Variants in REM2 observed in about 807,000 individuals in gnomAD.
REM2 encodes GTP-binding protein REM 2.
In REM2, 24 loss-of-function variants were observed where a neutral mutation model predicts 24.4. The ratio of observed to expected loss-of-function variants is 0.98; its 90% CI spans 0.71 to 1.38. The LOEUF is 1.38. Ranked by LOEUF, REM2 falls within the 40% of genes most tolerant of loss-of-function variation. The pLI, the probability that REM2 is intolerant of heterozygous loss-of-function variation, is 0.00. For missense variants in REM2, 429 were observed against 467.8 expected, an observed-to-expected ratio of 0.92 and a Z score of 0.77; for synonymous variants, 187 against 198.0, an observed-to-expected ratio of 0.94 and a Z score of 0.47.
In REM2 at chr14:22,883,382, C is replaced by A; in HGVS notation, c.95C>A (p.Pro32His). 6.4e-7 allele frequency: 1 copy of A among 1,553,460 alleles called. No homozygotes were observed. The highest frequency in any genetic ancestry group is 1.2e-5 in the South Asian group (1 of 84,158). ...GSRRASPPGT[P>H]TPEADATLLK... ...CGCCGGGCCTCCCCTCCAGGGACGCCCACACCAGGTGAGGGCTAACCTGGG... is the reference window on the plus strand; with the variant it reads ...CGCCGGGCCTCCCCTCCAGGGACGCACACACCAGGTGAGGGCTAACCTGGG... Residue 32 changes from proline to histidine, a missense_variant, in exon 1 of 5, where the codon CCC (proline) becomes CAC (histidine). Transcript: ENST00000267396.
chr14:22,884,767 G>C lies in REM2; in HGVS notation c.197G>C (p.Arg66Thr). 6.2e-7 allele frequency: 1 copy of C among 1,614,032 alleles called. No individual in the cohort carries two copies. The highest frequency in any genetic ancestry group is 8.5e-7 in the Non-Finnish European group (1 of 1,179,888). ...LPSAPGAPRR[R>T]GSMPVPYKHQ... Reference sequence around the variant, plus strand: ...TCTGCCCCTGGGGCCCCCAGACGAAGAGGCAGTATGCCTGTCCCCTACAAG... The same window carrying C: ...TCTGCCCCTGGGGCCCCCAGACGAACAGGCAGTATGCCTGTCCCCTACAAG... Residue 66 changes from arginine to threonine, a missense_variant, in exon 2 of 5, where the codon AGA becomes ACA. Transcript: ENST00000267396.
At chr14:22,884,202 G>A (rs1566498559) in intron 1 of REM2, 2 of 985,286 alleles carry the variant, frequency 2.0e-6, no homozygotes, top group Non-Finnish European at 2.4e-6. Flanking sequence ...CCCAGACACT[G>A]GGCAGCAGTT....
rs139641409 is a variant in REM2 at position 22,885,805 on chromosome 14, A to C, written c.520-219A>C. Among the ~76,000 whole-genome samples, 327 of 152,360 alleles carry C rather than the reference A, an allele frequency of 2.1e-3. 5 individuals carry two copies. The highest frequency in any genetic ancestry group is 0.016 in the Admixed American group (241 of 15,306). Reference sequence around the variant, plus strand: ...TATTCATTTTTGAATCAAGAGCTTAAGAAATTAGGATGGCTACCCTAGTCT... The same window carrying C: ...TATTCATTTTTGAATCAAGAGCTTACGAAATTAGGATGGCTACCCTAGTCT... On this transcript the variant is annotated intron_variant, in intron 3 of 4. Coordinates refer to ENST00000267396, the MANE Select transcript of REM2 (RefSeq NM_173527.3).
rs958120710 is a variant in REM2, at chr14:22,887,282, T to G, written c.*373T>G. 1.7e-5 allele frequency: 3 copies of G among 179,398 alleles called. No homozygotes were observed. The highest frequency in any genetic ancestry group is 6.2e-5 in the Admixed American group (1 of 16,074). 11.1% of individuals were successfully genotyped at this position (179,398 alleles called of 1,614,324 possible). On this transcript the variant is annotated 3_prime_UTR_variant, in exon 5 of 5. Coordinates refer to ENST00000267396, the MANE Select transcript of REM2 (RefSeq NM_173527.3). ...GTAAAGAGATTCTAAAAGCAAGATC[T>G]GGAAAAGTGCTTCGTAGACTCCTTG...
Position 22,886,518 on chromosome 14 carries a change from A to G in REM2, c.728-96A>G, listed in dbSNP as rs2040129829. On this transcript the variant is annotated intron_variant, in intron 4 of 4. Transcript: ENST00000267396. The surrounding 1 kb of genome is among the most constrained non-coding windows in gnomAD (Gnocchi z 5.9). The stretch of plus-strand genomic sequence containing the variant: ...TCGGTTGCAAGATTCACTAGTACCA[A>G]TCCCTTGCCACCGCACGCCCAGGCC... 1.4e-5 allele frequency: 16 copies of G among 1,145,442 alleles called. No homozygotes were observed. The highest frequency in any genetic ancestry group is 7.8e-5 in the East Asian group (3 of 38,544). 71.0% of individuals were successfully genotyped at this position (1,145,442 alleles called of 1,614,324 possible). A position where few individuals can be genotyped will look rare whatever the true frequency, so the allele number is the denominator to read the frequency against.
At position 22,886,183 on chromosome 14, in the gene REM2, GT is replaced by G; in HGVS notation, c.681del (p.Gly228GlufsTer24). 6.2e-7 allele frequency: 1 copy of G among 1,613,922 alleles called. No homozygotes were observed. Among genetic ancestry groups the G allele is most frequent in the Non-Finnish European group, 8.5e-7 (1 of 1,179,874 alleles). On this transcript the variant is annotated frameshift_variant, in exon 4 of 5. Coordinates refer to ENST00000267396, the MANE Select transcript of REM2 (RefSeq NM_173527.3). LOFTEE classifies it high-confidence loss of function. The surrounding 1 kb of genome is among the most constrained non-coding windows in gnomAD (Gnocchi z 5.9). Reference protein sequence around the residue: ...RPHHDLPVILVGNKSDLARSR... With the variant: ...RPHHDLPVILXGNKSDLARSR... Reference sequence around the variant, plus strand: ...GCACCACGACCTACCCGTTATCCTCGTTGGAAACAAGAGCGACTTGGCCCGC... The same window carrying G: ...GCACCACGACCTACCCGTTATCCTCGTGGAAACAAGAGCGACTTGGCCCGC...
chr14:22,887,004 G>A lies in REM2; in HGVS notation c.*95G>A. On this transcript the variant is annotated 3_prime_UTR_variant, in exon 5 of 5. Transcript: ENST00000267396. ...CCCGCCCCCGTCCGGCTTCCTTGGT[G>A]GAGGCCGTCTAGGAAACCAAAAACT... 8.5e-7 allele frequency: 1 copy of A among 1,181,304 alleles called. No homozygotes were observed. The highest frequency in any genetic ancestry group is 1.1e-6 in the Non-Finnish European group (1 of 888,524). The allele number at this position is 1,181,304 out of a possible 1,614,324, so 73.2% of individuals were successfully genotyped here. A position where few individuals can be genotyped will look rare whatever the true frequency, so the allele number is the denominator to read the frequency against.
rs149667588 is a variant in REM2, at chr14:22,886,004, G to A, written c.520-20G>A. The A allele has an allele frequency of 1.2e-5, 20 of 1,605,112 alleles. No individual in the cohort carries two copies. In the East Asian group the frequency reaches 3.6e-4, roughly 29 times the overall value. On this transcript the variant is annotated intron_variant, in intron 3 of 4. Transcript: ENST00000267396. The surrounding 1 kb of genome is among the most constrained non-coding windows in gnomAD (Gnocchi z 5.9). ...GATCTCCTATGCCTCCAGCCCTAAC[G>A]TTCCTCTGCCTGTCTGCAGGGGGAT...
chr14:22,886,923 T>A lies in REM2; in HGVS notation c.*14T>A. The A allele has an allele frequency of 7.0e-7, 1 of 1,418,660 alleles. No homozygotes were observed. Among genetic ancestry groups the A allele is most frequent in the Non-Finnish European group, 9.3e-7 (1 of 1,080,412 alleles). 87.9% of individuals were successfully genotyped at this position (1,418,660 alleles called of 1,614,324 possible). On this transcript the variant is annotated 3_prime_UTR_variant, in exon 5 of 5. Transcript: ENST00000267396. The surrounding 1 kb of genome is among the most constrained non-coding windows in gnomAD (Gnocchi z 5.9). The stretch of plus-strand genomic sequence containing the variant: ...TCGGTGCTCTGAGCCGCGGTCGCCA[T>A]GGCCACTGCGGTCGCCATGGTCACC...
rs769826661 is a variant in REM2 at position 22,885,283 on chromosome 14, C to G, written c.463C>G (p.Arg155Gly). 1.2e-6 allele frequency: 2 copies of G among 1,613,442 alleles called. No individual in the cohort carries two copies. The highest frequency in any genetic ancestry group is 1.1e-5 in the South Asian group (1 of 91,078). Residue 155 changes from arginine to glycine, a missense_variant, in exon 3 of 5, where the codon CGC (arginine) becomes GGC (glycine). Physicochemically the swap from Arg to Gly is moderately radical, Grantham distance 125. Transcript: ENST00000267396. ...PENPEDTYER[R>G]IMVDKEEVTL... is the part of the protein sequence containing the mutation. ...CCCAGCAGAGGATACCTATGAGAGA[C>G]GCATCATGGTGGATAAGGAGGAAGT...
chr14:22,884,838 C>T lies in REM2; in HGVS notation c.268C>T (p.Pro90Ser). The T allele has an allele frequency of 6.2e-7, 1 of 1,614,010 alleles. No homozygotes were observed. Among genetic ancestry groups the T allele is most frequent in the Non-Finnish European group, 8.5e-7 (1 of 1,179,874 alleles). ...GGCTGTAGATGAACTTGACTGGCCA[C>T]CTCAGGCCTCATCCTCTGGCTCGTC... ...AQAVDELDWP[P>S]QASSSGSSDS... Residue 90 changes from proline to serine, a missense_variant, in exon 2 of 5, where the codon CCT becomes TCT. Pro to Ser is a moderately conservative substitution (Grantham distance 74, BLOSUM62 -1). Transcript: ENST00000267396.
At position 22,887,026 on chromosome 14, in the gene REM2, A is replaced by C; in HGVS notation, c.*117A>C. 3 of 942,226 alleles carry C rather than the reference A, an allele frequency of 3.2e-6. No homozygotes were observed. Among genetic ancestry groups the C allele is most frequent in the Non-Finnish European group, 4.4e-6 (3 of 681,448 alleles). The allele number at this position is 942,226 out of a possible 1,614,324, so 58.4% of individuals were successfully genotyped here. A position where few individuals can be genotyped will look rare whatever the true frequency, so the allele number is the denominator to read the frequency against. On this transcript the variant is annotated 3_prime_UTR_variant, in exon 5 of 5. Transcript: ENST00000267396. ...GGTGGAGGCCGTCTAGGAAACCAAA[A>C]ACTCCCAGGATGCCCCGGTGTGACC...
intron 3 of REM2, among the ~76,000 whole-genome samples, 164 bp downstream of exon 3, chr14:22,885,503 C>T (rs1414201741): frequency 3.3e-5 from 5 of 152,186 alleles, no homozygotes; most frequent in Non-Finnish European, 5.9e-5. Context: ...CACACTACAG[C>T]CTGTGGCTGT....
Position 22,885,288 on chromosome 14 carries a change from C to T in REM2, c.468C>T (p.Ile156=). 1 of 1,613,602 alleles carries T rather than the reference C, an allele frequency of 6.2e-7. No homozygotes were observed. The highest frequency in any genetic ancestry group is 1.6e-4 in the Middle Eastern group (1 of 6,062). ...CAGAGGATACCTATGAGAGACGCAT[C>T]ATGGTGGATAAGGAGGAAGTGACTC... ...ENPEDTYERR[I]MVDKEEVTLV... The change falls in exon 3 of 5, where the codon ATC becomes ATT. Residue 156 remains isoleucine (I), a synonymous_variant. Transcript: ENST00000267396.
At chr14:22,885,085 C>T in intron 2 of REM2, 70 bp downstream of exon 2, 1 of 1,461,498 alleles carries the variant, frequency 6.8e-7, no homozygotes, top group East Asian at 2.3e-5. Context: ...GTGCTCGTGA[C>T]CTGAGCAGCC....
At position 22,886,043 on chromosome 14, in the gene REM2, T is replaced by A; in HGVS notation, c.539T>A (p.Leu180Gln). ...CTGCAGGGGGATGCAGGAGGGTGGC[T>A]GCGGGACCACTGCCTTCAGACCGGG... The part of the protein sequence containing the change: ...IWEQGDAGGW[L>Q]RDHCLQTGDA... Residue 180 changes from leucine to glutamine, a missense_variant, in exon 4 of 5, where the codon CTG (leucine) becomes CAG (glutamine). By Grantham distance (113) the Leu-to-Gln change is moderately radical. Coordinates refer to ENST00000267396, the MANE Select transcript of REM2 (RefSeq NM_173527.3). This position sits in a 1 kb window ranked among gnomAD's most constrained non-coding sequence, Gnocchi z 5.9. 6.2e-7 allele frequency: 1 copy of A among 1,613,924 alleles called. No homozygotes were observed. Among genetic ancestry groups the A allele is most frequent in the Non-Finnish European group, 8.5e-7 (1 of 1,179,834 alleles).
chr14:22,886,860 A>C lies in REM2; in HGVS notation c.974A>C (p.Lys325Thr). 1 of 1,545,198 alleles carries C rather than the reference A, an allele frequency of 6.5e-7. No individual in the cohort carries two copies. Among genetic ancestry groups the C allele is most frequent in the Non-Finnish European group, 8.7e-7 (1 of 1,145,150 alleles). The change falls in exon 5 of 5, where the codon AAG (lysine) becomes ACG (threonine). Residue 325 changes from lysine to threonine, a missense_variant. Physicochemically the swap from Lys to Thr is moderately conservative, Grantham distance 78 (BLOSUM62 -1). Transcript: ENST00000267396. This position sits in a 1 kb window ranked among gnomAD's most constrained non-coding sequence, Gnocchi z 5.9. Reference protein sequence around the residue: ...FLANLVPRNAKFFKQRSRSCH... With the variant: ...FLANLVPRNATFFKQRSRSCH... ...GCCAACCTGGTGCCGCGCAACGCCA[A>C]GTTCTTCAAGCAGCGCTCCAGGTCG...
chr14:22,884,778 C>G lies in REM2; in HGVS notation c.208C>G (p.Pro70Ala). ...GGCCCCCAGACGAAGAGGCAGTATG[C>G]CTGTCCCCTACAAGCACCAGCTCCG... ...PGAPRRRGSMPVPYKHQLRRA... is the reference protein window; with the variant it reads ...PGAPRRRGSMAVPYKHQLRRA... Residue 70 changes from proline (P) to alanine (A), a missense_variant, in exon 2 of 5, where the codon CCT (proline) becomes GCT (alanine). By Grantham distance (27) the Pro-to-Ala change is conservative. Transcript: ENST00000267396. 1 of 1,614,048 alleles carries G rather than the reference C, an allele frequency of 6.2e-7. No homozygotes were observed. The highest frequency in any genetic ancestry group is 8.5e-7 in the Non-Finnish European group (1 of 1,179,894).
At position 22,884,789 on chromosome 14, in the gene REM2, C is replaced by A. The variant is rs757787473; in HGVS notation, c.219C>A (p.Tyr73Ter). The change falls in exon 2 of 5, where the codon TAC (tyrosine) becomes TAA (stop). Residue 73 changes from tyrosine to a stop codon, truncating the protein, a stop_gained. Coordinates refer to ENST00000267396, the MANE Select transcript of REM2 (RefSeq NM_173527.3). LOFTEE classifies it high-confidence loss of function. ...PRRRGSMPVP[Y>*]KHQLRRAQAV... ...GAAGAGGCAGTATGCCTGTCCCCTA[C>A]AAGCACCAGCTCCGGCGGGCCCAGG... The A allele has an allele frequency of 6.2e-7, 1 of 1,614,046 alleles. No individual in the cohort carries two copies. The highest frequency in any genetic ancestry group is 1.1e-5 in the South Asian group (1 of 91,084).
Sources: gnomAD v4.1 joint callset for allele counts (sites outside exome capture counted in the v4.1 genomes callset) on GRCh38, gnomAD v4.1.1 for gene constraint, Gnocchi (gnomAD v3.1) non-coding constraint, MANE v1.5 for transcripts, NCBI Gene and HGNC (gene_info 2026-07-23, HGNC 2026-07-21) for gene names.